Variants in FOXN3 observed in about 807,000 individuals in gnomAD.
The protein encoded by FOXN3 is forkhead box protein N3.
FOXN3 carries 7 observed loss-of-function variants against 38.4 expected under a neutral mutation model. That is an observed-to-expected ratio of 0.18 (90% CI 0.10 to 0.34). FOXN3 has a LOEUF of 0.34. Ranked by LOEUF, FOXN3 falls within the 10% of genes least tolerant of loss-of-function variation. The pLI is 1.00. For synonymous variants in FOXN3, 230 were observed against 242.2 expected (o/e 0.95, Z 0.47); for missense variants, 456 against 613.4 (o/e 0.74, Z 2.71).
chr14:89,312,006 C>T (rs779662643), intron 3 of FOXN3, among the ~76,000 whole-genome samples: 28 of 152,002 alleles, frequency 1.8e-4, no homozygotes, highest in Non-Finnish European at 3.4e-4. Context: ...GAAGGCCAGC[C>T]GGGCACAGTG....
At position 89,191,775 on chromosome 14, in the gene FOXN3, G is replaced by C. The variant is rs527678318; in HGVS notation, c.746-10969C>G. Among the ~76,000 whole-genome samples the C allele has an allele frequency of 1.5e-3, 223 of 150,194 alleles. 2 individuals are homozygous for C. Among genetic ancestry groups the C allele is most frequent in the African/African-American group, 5.3e-3 (216 of 40,822 alleles). The stretch of plus-strand genomic sequence containing the variant: ...TCAAAAAAAAAAAAAAATAGAACTT[G>C]ACTTTGAAGAGTTTTTTTTCTATTT... On this transcript the variant is annotated intron_variant, in intron 4 of 5. Coordinates refer to ENST00000557258, the MANE Select transcript of FOXN3 (RefSeq NM_005197.4).
chr14:89,290,829 C>T (rs1272817222), intron 3 of FOXN3: 5 of 266,560 alleles, frequency 1.9e-5, no homozygotes, highest in South Asian at 1.6e-4. Context: ...CTGGTTAAAC[C>T]GGGCAAATAA....
chr14:89,314,388 T>C (rs1480531894), intron 3 of FOXN3, among the ~76,000 whole-genome samples: 4 of 151,876 alleles, frequency 2.6e-5, no homozygotes, highest in Non-Finnish European at 5.9e-5. Context: ...AGTGAGTGTT[T>C]ACTTGTTTTT....
At chr14:89,453,628 C>T (rs567437461) in intron 1 of FOXN3, among the ~76,000 whole-genome samples, 4 of 150,254 alleles carry the variant, frequency 2.7e-5, no homozygotes, top group African/African-American at 9.8e-5. Context: ...ATATGTACGA[C>T]CATCGTGTAT....
chr14:89,390,490 TAAAA>T (rs376776864), intron 2 of FOXN3, among the ~76,000 whole-genome samples: 15 of 130,168 alleles, frequency 1.2e-4, no homozygotes, highest in East Asian at 8.7e-4. Flanking sequence ...AGCTGCTTTT[TAAAA>T]AAAAAAAAAA....
rs548678955 is a variant in FOXN3 at position 89,445,034 on chromosome 14, A to C, written c.-14-32544T>G. Among the ~76,000 whole-genome samples, 6 of 152,154 alleles carry C rather than the reference A, an allele frequency of 3.9e-5. No individual in the cohort carries two copies. The South Asian group carries it at 1.2e-3, about 32-fold the overall frequency. On this transcript the variant is annotated intron_variant, in intron 1 of 6. Coordinates refer to the FOXN3 transcript ENST00000345097. Reference sequence around the variant, plus strand: ...GCTACTCAGAAGGCTGAAATGGGAGATCGCTTGAGCCCAGGAGGTTGAGGC... The same window carrying C: ...GCTACTCAGAAGGCTGAAATGGGAGCTCGCTTGAGCCCAGGAGGTTGAGGC...
chr14:89,237,621 T>G (rs567394392), intron 4 of FOXN3, among the ~76,000 whole-genome samples: 1 of 152,360 alleles, frequency 6.6e-6, no homozygotes, highest in Admixed American at 6.5e-5. Flanking sequence ...AGGCTCTGCC[T>G]GTATCATTTC....
intron 2 of FOXN3, among the ~76,000 whole-genome samples, chr14:89,358,678 T>C (rs975374428): frequency 6.6e-6 from 1 of 152,222 alleles, no homozygotes; most frequent in African/African-American, 2.4e-5. Context: ...ACATGGGTCC[T>C]CATGTCTCCA....
chr14:89,395,751 T>C (rs1440680496), intron 2 of FOXN3, among the ~76,000 whole-genome samples: 1 of 152,154 alleles, frequency 6.6e-6, no homozygotes, highest in Admixed American at 6.5e-5. Flanking sequence ...TACTATTTAT[T>C]AATATTAATA....
chr14:89,490,331 G>A (rs533807478), intron 1 of FOXN3, among the ~76,000 whole-genome samples: 2 of 152,184 alleles, frequency 1.3e-5, no homozygotes, highest in Non-Finnish European at 2.9e-5. Context: ...AGTGGTGAAC[G>A]GATTGTTGTT....
chr14:89,522,026 AAAG>A lies in FOXN3; in HGVS notation c.-15+96999_-15+97001del, dbSNP rs1894329792. On this transcript the variant is annotated intron_variant, in intron 1 of 6. Coordinates refer to the FOXN3 transcript ENST00000345097. ...CAGAATGAGACCCTGTCTCAAAAAA[AAAG>A]AAAAAAGAAAGAAAAGAAAACTAAC... is the stretch of plus-strand genomic sequence containing the variant. Among the ~76,000 whole-genome samples the A allele has an allele frequency of 2.6e-5, 4 of 151,868 alleles. 1 individual carries two copies. Among genetic ancestry groups the A allele is most frequent in the Non-Finnish European group, 4.4e-5 (3 of 67,902 alleles).
At chr14:89,402,907 C>G (rs534388432) in intron 2 of FOXN3, among the ~76,000 whole-genome samples, 7 of 152,326 alleles carry the variant, frequency 4.6e-5, no homozygotes, top group Non-Finnish European at 1.0e-4. Flanking sequence ...TCAATCCATC[C>G]TTGGAGGTCT....
At chr14:89,316,669 AT>A (rs546352695) in intron 3 of FOXN3, among the ~76,000 whole-genome samples, 2,232 of 135,166 alleles carry the variant, frequency 0.017, 46 homozygotes, top group African/African-American at 0.054. Flanking sequence ...CCTATGATGA[AT>A]TTTTTTTTTT....
chr14:89,398,406 T>C (rs769995261), intron 2 of FOXN3, among the ~76,000 whole-genome samples: 12 of 152,340 alleles, frequency 7.9e-5, no homozygotes, highest in Middle Eastern at 3.4e-3. Context: ...TCATAATTTC[T>C]GGTAATCGCT....
intron 2 of FOXN3, among the ~76,000 whole-genome samples, chr14:89,404,996 A>G (rs1314920650): frequency 6.6e-6 from 1 of 152,194 alleles, no homozygotes; most frequent in Non-Finnish European, 1.5e-5. Context: ...AGGTCCATCA[A>G]TGAGACAGGT....
chr14:89,472,551 T>G (rs1409010778), intron 1 of FOXN3, among the ~76,000 whole-genome samples: 1 of 151,826 alleles, frequency 6.6e-6, no homozygotes. Context: ...AAACCCCATC[T>G]CTACTAAAAT....
intron 4 of FOXN3, among the ~76,000 whole-genome samples, chr14:89,277,247 C>T (rs970461887): frequency 5.3e-5 from 8 of 152,154 alleles, no homozygotes; most frequent in Non-Finnish European, 1.2e-4. Context: ...AACACAGAGA[C>T]ACACAGACAC....
chr14:89,260,035 G>A (rs2139890267), intron 4 of FOXN3, among the ~76,000 whole-genome samples: 1 of 152,298 alleles, frequency 6.6e-6, no homozygotes, highest in South Asian at 2.1e-4. Context: ...ACAAGTAACA[G>A]CAGATAGTGG....
At chr14:89,461,565 G>C (rs529812304) in intron 1 of FOXN3, among the ~76,000 whole-genome samples, 19 of 152,284 alleles carry the variant, frequency 1.2e-4, no homozygotes, top group African/African-American at 4.3e-4. Context: ...CCAATGCAGA[G>C]AGTAATATTA....
Sources: allele counts gnomAD v4.1 joint callset (sites outside exome capture counted in the v4.1 genomes callset), GRCh38; gene constraint gnomAD v4.1.1; transcripts MANE v1.5; gene names NCBI Gene and HGNC (gene_info 2026-07-23, HGNC 2026-07-21).